Variants in ACTR8 observed in about 807,000 individuals in gnomAD.
ACTR8 encodes actin related protein 8, also known as actin-related protein 8.
ACTR8 carries 70 observed loss-of-function variants against 84.3 expected under a neutral mutation model. That is an observed-to-expected ratio of 0.83 (90% CI 0.68 to 1.01). ACTR8 has a LOEUF of 1.01. ACTR8 is among the 50% of genes least tolerant of loss of function. The pLI is 0.00. For synonymous variants in ACTR8, 268 were observed against 275.2 expected (o/e 0.97, Z 0.26); for missense variants, 672 against 775.4 (o/e 0.87, Z 1.58).
chr3:53,864,717 A>G (rs2107035823), downstream of ACTR8: 1 of 1,515,854 alleles, frequency 6.6e-7, no homozygotes, highest in East Asian at 2.3e-5. Flanking sequence ...TGCTGTTCAC[A>G]GATAACAAAT....
At chr3:53,874,160 T>TA in intron 8 of ACTR8, 51 bp downstream of exon 8, 2 of 1,569,178 alleles carry the variant, frequency 1.3e-6, no homozygotes, top group African/African-American at 1.4e-5. Flanking sequence ...TTAAATCTCT[T>TA]AAATTTTTCC....
chr3:53,875,190 A>G (rs1699947678), intron 7 of ACTR8, among the ~76,000 whole-genome samples: 1 of 152,244 alleles, frequency 6.6e-6, no homozygotes, highest in Non-Finnish European at 1.5e-5. Flanking sequence ...ACAATGGATG[A>G]GCCAAATAAC....
intron 5 of ACTR8, 38 bp downstream of exon 5, chr3:53,877,176 C>A: frequency 6.5e-7 from 1 of 1,546,016 alleles, no homozygotes; most frequent in South Asian, 1.2e-5. Flanking sequence ...GACCAAGAAT[C>A]TTAAAAACAA....
Position 53,876,605 on chromosome 3 carries a change from G to A in ACTR8, c.778+15C>T, listed in dbSNP as rs775522409. ...ATTCCATTTAAAATAGGTTTCACTG[G>A]GATATCAGACATACCTGAAAAACCC... On this transcript the variant is annotated intron_variant, in intron 6 of 12. Transcript: ENST00000335754. The A allele has an allele frequency of 7.1e-6, 10 of 1,412,780 alleles. No homozygotes were observed. The highest frequency in any genetic ancestry group is 1.9e-5 in the Admixed American group (1 of 53,284). 87.5% of individuals were successfully genotyped at this position (1,412,780 alleles called of 1,614,324 possible).
At chr3:53,876,850 A>ACTAT (rs902483314) in intron 5 of ACTR8, 137 bp from the exon 6 acceptor site, 3 of 507,364 alleles carry the variant, frequency 5.9e-6, no homozygotes, top group Non-Finnish European at 1.1e-5. Context: ...AAACCTCTGT[A>ACTAT]CTATCCTTTG....
At chr3:53,872,558 A>T (rs746075854) in intron 9 of ACTR8, 34 bp from the exon 10 acceptor site, 1 of 1,529,910 alleles carries the variant, frequency 6.5e-7, no homozygotes, top group Admixed American at 2.3e-5. Context: ...TCAACAAAAG[A>T]TACTGCATCC....
chr3:53,860,963 G>C, the ACTR8 span: 2 of 152,170 alleles, frequency 1.3e-5, no homozygotes, highest in African/African-American at 2.4e-5. Context: ...TAAAGATGTG[G>C]TATTAAATCA....
downstream of ACTR8, chr3:53,865,871 C>T (rs1326213837): frequency 6.6e-6 from 1 of 152,238 alleles, no homozygotes; most frequent in African/African-American, 2.4e-5. Flanking sequence ...CTTCCCTCTA[C>T]AAACTAGATT....
downstream of ACTR8, chr3:53,865,599 C>A (rs1018498576): frequency 2.9e-6 from 1 of 350,228 alleles, no homozygotes; most frequent in Non-Finnish European, 5.2e-6. Context: ...AGCCAAACAT[C>A]TAGTCTTCCA....
At chr3:53,878,849 G>A (rs2107073850) in intron 2 of ACTR8, among the ~76,000 whole-genome samples, 1 of 152,118 alleles carries the variant, frequency 6.6e-6, no homozygotes, top group South Asian at 2.1e-4. Context: ...GAATTCCCAG[G>A]AATCTTTTAT....
At position 53,882,148 on chromosome 3, in the gene ACTR8, C is replaced by T. The variant is rs1428124298; in HGVS notation, c.-47G>A. ...ACCTCTCGCCTCAGCGCTGCAGCCA[C>T]GACTGCCGGGATGGAAGGGCCACCG... On this transcript the variant is annotated 5_prime_UTR_variant, in exon 1 of 13. It adds an upstream start codon to the 5' untranslated region. Transcript: ENST00000335754. 1 of 1,544,066 alleles carries T rather than the reference C, an allele frequency of 6.5e-7. No individual in the cohort carries two copies. Among genetic ancestry groups the T allele is most frequent in the Admixed American group, 2.0e-5 (1 of 50,630 alleles).
chr3:53,864,957 G>T (rs201219894), downstream of ACTR8: 193 of 1,614,022 alleles, frequency 1.2e-4, no homozygotes, highest in Middle Eastern at 3.3e-4. Context: ...CCACTCAAAA[G>T]AAGGCAGCAG....
intron 12 of ACTR8, among the ~76,000 whole-genome samples, chr3:53,869,212 C>T (rs967421395): frequency 2.0e-5 from 3 of 152,202 alleles, no homozygotes; most frequent in Non-Finnish European, 4.4e-5. Flanking sequence ...ACCCGGGAGG[C>T]AGAGGTTGCA....
Position 53,867,246 on chromosome 3 carries a change from A to ATATT in ACTR8, c.*1469_*1472dup, listed in dbSNP as rs760802366. The ATATT allele has an allele frequency of 2.0e-5, 3 of 152,244 alleles. No homozygotes were observed. The highest frequency in any genetic ancestry group is 4.4e-5 in the Non-Finnish European group (3 of 68,042). 9.4% of individuals were successfully genotyped at this position (152,244 alleles called of 1,614,324 possible). A position where few individuals can be genotyped will look rare whatever the true frequency, so the allele number is the denominator to read the frequency against. ...AGGTGAAGAACTGTTTAACAGAAAT[A>ATATT]TATTATGTTTTTGCAAACAGGCAGC... On this transcript the variant is annotated 3_prime_UTR_variant, in exon 13 of 13. Transcript: ENST00000335754.
At chr3:53,878,335 A>G in intron 3 of ACTR8, 22 bp downstream of exon 3, 1 of 1,491,126 alleles carries the variant, frequency 6.7e-7, no homozygotes, top group Non-Finnish European at 9.4e-7. Flanking sequence ...ATAAAAGAAT[A>G]AATCTGAAGA....
At chr3:53,881,445 C>T (rs189709632) in intron 1 of ACTR8, among the ~76,000 whole-genome samples, 55 of 152,340 alleles carry the variant, frequency 3.6e-4, no homozygotes, top group African/African-American at 1.3e-3. Flanking sequence ...TTTTGATACA[C>T]AAGCTCTTAA....
chr3:53,873,038 T>C lies in ACTR8; in HGVS notation c.1155A>G (p.Lys385=), dbSNP rs370133947. The change falls in exon 9 of 13, where the codon AAA becomes AAG. Residue 385 remains lysine, a synonymous_variant. Transcript: ENST00000335754. ...LLYQFRLGDE[K]LQAPMALFYP... ...ACAGATACCTATAAGTTACCTGCAG[T>C]TTTTCATCTCCTAATCGAAACTGGT... 122 of 1,608,314 alleles carry C rather than the reference T, an allele frequency of 7.6e-5. No individual in the cohort carries two copies. The highest frequency in any genetic ancestry group is 9.9e-5 in the Non-Finnish European group (116 of 1,176,408).
chr3:53,881,979 C>T lies in ACTR8; in HGVS notation c.123G>A (p.Glu41=). The T allele has an allele frequency of 6.4e-7, 1 of 1,554,940 alleles. No homozygotes were observed. The highest frequency in any genetic ancestry group is 8.7e-7 in the Non-Finnish European group (1 of 1,148,434). Residue 41 remains glutamate (E), a splice_region_variant and synonymous_variant, in exon 1 of 13, where the codon GAG becomes GAA. Coordinates refer to ENST00000335754, the MANE Select transcript of ACTR8 (RefSeq NM_022899.5). The part of the protein sequence containing the change: ...VPALVPESLQ[E]QIQSNFIIVI... ...AGTTCCAACCCAGCCAGAGCCGCAC[C>T]TCTTGCAGCGACTCCGGCACCAGCG...
intron 1 of ACTR8, 80 bp downstream of exon 1, chr3:53,881,899 C>T: frequency 6.5e-7 from 1 of 1,542,896 alleles, no homozygotes; most frequent in Non-Finnish European, 8.7e-7. Context: ...GACTCGAAGC[C>T]TCCCGCCGCC....
Sources: gnomAD v4.1 joint callset for allele counts (sites outside exome capture counted in the v4.1 genomes callset) on GRCh38, gnomAD v4.1.1 for gene constraint, MANE v1.5 for transcripts, NCBI Gene and HGNC (gene_info 2026-07-23, HGNC 2026-07-21) for gene names.